Variants in USP10 observed in about 807,000 individuals in gnomAD.
The protein encoded by USP10 is ubiquitin carboxyl-terminal hydrolase 10.
In USP10, 22 loss-of-function variants were observed where a neutral mutation model predicts 84.5. The observed-to-expected ratio is 0.26, with a 90% CI of 0.19 to 0.37. USP10 has a LOEUF of 0.37. Among genes scored for constraint, USP10 ranks in the 10% least tolerant of loss-of-function variants. The pLI is 1.00. For missense variants in USP10, 1,019 were observed against 998.9 expected (o/e 1.02, Z -0.27); for synonymous variants, 454 against 387.6 (o/e 1.17, Z -2.01).
At chr16:84,717,786 T>A (rs1907242272) in intron 1 of USP10, among the ~76,000 whole-genome samples, 1 of 152,224 alleles carries the variant, frequency 6.6e-6, no homozygotes, top group Non-Finnish European at 1.5e-5. Flanking sequence ...TTTGATTCAT[T>A]GAGGTCCTAG....
At chr16:84,764,386 C>A in intron 10 of USP10, 123 bp downstream of exon 10, 1 of 1,298,950 alleles carries the variant, frequency 7.7e-7, no homozygotes, top group East Asian at 2.3e-5. Flanking sequence ...ATCTTGCTCC[C>A]CTGCCTGCTC....
At chr16:84,718,907 C>A (rs1023115257) in intron 1 of USP10, among the ~76,000 whole-genome samples, 1 of 151,892 alleles carries the variant, frequency 6.6e-6, no homozygotes, top group African/African-American at 2.4e-5. Context: ...ATTCTCCTGC[C>A]TTAGCCTCCC....
intron 1 of USP10, among the ~76,000 whole-genome samples, chr16:84,718,011 A>G (rs1907276181): frequency 6.6e-6 from 1 of 152,196 alleles, no homozygotes; most frequent in South Asian, 2.1e-4. Context: ...TTCCTTACCT[A>G]AGAGATTGGA....
intron 3 of USP10, among the ~76,000 whole-genome samples, chr16:84,743,400 C>T (rs969276260): frequency 1.3e-5 from 2 of 152,170 alleles, no homozygotes; most frequent in Non-Finnish European, 2.9e-5. Context: ...GCCTCCTGCA[C>T]ACTCACTTGC....
intron 4 of USP10, among the ~76,000 whole-genome samples, chr16:84,750,003 A>G (rs960122625): frequency 6.6e-6 from 1 of 152,178 alleles, no homozygotes; most frequent in African/African-American, 2.4e-5. Context: ...CAAGGGAAGG[A>G]TGTATCTAAA....
At chr16:84,700,230 TGGGACACGCTGCCCGGGCCTAG>T in intron 1 of USP10, 119 bp downstream of exon 1, 1 of 810,378 alleles carries the variant, frequency 1.2e-6, no homozygotes, top group Non-Finnish European at 1.6e-6. Flanking sequence ...GGGAGGGCGC[TGGGACACGCTGCCCGGGCCTAG>T]GCCGGAGCCA....
At chr16:84,749,646 C>G (rs1911672046) in intron 4 of USP10, among the ~76,000 whole-genome samples, 1 of 151,772 alleles carries the variant, frequency 6.6e-6, no homozygotes, top group Admixed American at 6.6e-5. Context: ...AAGTTTGTTT[C>G]AAATACTCAC....
Position 84,724,616 on chromosome 16 carries a change from A to G in USP10, c.22-8819A>G, listed in dbSNP as rs141713323. On this transcript the variant is annotated intron_variant, in intron 1 of 13. Coordinates refer to ENST00000219473, the MANE Select transcript of USP10 (RefSeq NM_005153.3). Reference sequence around the variant, plus strand: ...ATAGCCCTATTAGTGAGGGAACAAAACTTCTCTTCCTCCTTCTTCCTTTGT... The same window carrying G: ...ATAGCCCTATTAGTGAGGGAACAAAGCTTCTCTTCCTCCTTCTTCCTTTGT... Among the ~76,000 whole-genome samples, 112 of 152,250 alleles carry G rather than the reference A, an allele frequency of 7.4e-4. 1 individual carries two copies. The South Asian group carries it at 0.012, about 16-fold the overall frequency.
chr16:84,772,817 T>A (rs1481292252), intron 12 of USP10, 132 bp downstream of exon 12: 1 of 1,272,280 alleles, frequency 7.9e-7, no homozygotes, highest in Non-Finnish European at 1.1e-6. Flanking sequence ...TGTTTTAAGT[T>A]TCTTGACTTG....
intron 11 of USP10, among the ~76,000 whole-genome samples, 190 bp downstream of exon 11, chr16:84,768,548 A>C (rs1914101921): frequency 6.6e-6 from 1 of 152,208 alleles, no homozygotes; most frequent in Non-Finnish European, 1.5e-5. Context: ...GGCCTCTTTT[A>C]GCTCTAAATC....
chr16:84,710,206 G>T (rs1330280534), intron 1 of USP10, among the ~76,000 whole-genome samples: 1 of 151,496 alleles, frequency 6.6e-6, no homozygotes, highest in Non-Finnish European at 1.5e-5. Flanking sequence ...GGAGGCAGAG[G>T]TTGCAGTGAG....
intron 4 of USP10, among the ~76,000 whole-genome samples, chr16:84,746,292 C>G (rs552448045): frequency 1.3e-5 from 2 of 152,244 alleles, no homozygotes; most frequent in South Asian, 2.1e-4. Flanking sequence ...TAAAAAGTTA[C>G]AGTAGGAAGT....
At chr16:84,759,704 C>A in intron 6 of USP10, 187 bp from the exon 7 acceptor site, 1 of 697,132 alleles carries the variant, frequency 1.4e-6, no homozygotes, top group Non-Finnish European at 2.4e-6. Context: ...CGTTTACCAG[C>A]ATATATCACT....
At chr16:84,775,678 A>C (rs762296294) in intron 13 of USP10, among the ~76,000 whole-genome samples, 4 of 152,114 alleles carry the variant, frequency 2.6e-5, no homozygotes, top group Non-Finnish European at 5.9e-5. Context: ...GGTGGGCCCG[A>C]TTACACAAGC....
At chr16:84,769,046 T>A (rs1914155248) in intron 11 of USP10, among the ~76,000 whole-genome samples, 2 of 152,210 alleles carry the variant, frequency 1.3e-5, no homozygotes, top group Non-Finnish European at 1.5e-5. Flanking sequence ...GCAGAGAGTG[T>A]CTTCTCTGTT....
At chr16:84,755,820 C>T (rs1411756587) in intron 4 of USP10, among the ~76,000 whole-genome samples, 1 of 150,916 alleles carries the variant, frequency 6.6e-6, no homozygotes, top group Non-Finnish European at 1.5e-5. Flanking sequence ...AAATCAGTCA[C>T]TTGCTGGTCT....
chr16:84,715,792 C>T (rs1023749151), intron 1 of USP10, among the ~76,000 whole-genome samples: 16 of 152,152 alleles, frequency 1.1e-4, no homozygotes, highest in African/African-American at 2.2e-4. Flanking sequence ...GTTTTGAGGA[C>T]GTGGCTTCTT....
chr16:84,722,445 G>C (rs987756698), intron 1 of USP10, among the ~76,000 whole-genome samples: 9 of 152,212 alleles, frequency 5.9e-5, no homozygotes, highest in African/African-American at 1.9e-4. Context: ...AATGTGGTAA[G>C]CGTATATTCT....
At chr16:84,759,800 T>C (rs1912992407) in intron 6 of USP10, 91 bp from the exon 7 acceptor site, 5 of 1,286,924 alleles carry the variant, frequency 3.9e-6, no homozygotes, top group African/African-American at 1.5e-5. Context: ...TATACTCGTA[T>C]AGCTGATATT....
Sources: allele counts gnomAD v4.1 joint callset (sites outside exome capture counted in the v4.1 genomes callset), GRCh38; gene constraint gnomAD v4.1.1; transcripts MANE v1.5; gene names NCBI Gene and HGNC (gene_info 2026-07-23, HGNC 2026-07-21).